Variants in PTGDR observed in about 807,000 individuals in gnomAD.
PTGDR encodes the protein prostaglandin D2 receptor, also known as PGD2 receptor.
Under a neutral mutation model 17.4 loss-of-function variants are expected in PTGDR, and 19 were observed. The observed-to-expected ratio is 1.09, with a 90% CI of 0.76 to 1.60. The LOEUF (loss-of-function observed/expected upper bound fraction) is 1.60. Among genes scored for constraint, PTGDR ranks in the 40% most tolerant of loss-of-function variants. The pLI is 0.00. For synonymous variants in PTGDR, 267 were observed against 224.2 expected (o/e 1.19, Z -1.71); for missense variants, 526 against 481.9 (o/e 1.09, Z -0.86).
downstream of PTGDR, among the ~76,000 whole-genome samples, chr14:52,278,871 T>G (rs1453373803): frequency 7.2e-5 from 11 of 152,090 alleles, no homozygotes; most frequent in Non-Finnish European, 1.6e-4. Context: ...AGATTATATT[T>G]AAAGTGAGCT....
At chr14:52,269,527 C>G in intron 1 of PTGDR, 1 of 1,534,212 alleles carries the variant, frequency 6.5e-7, no homozygotes, top group Non-Finnish European at 8.7e-7. Flanking sequence ...TGCTGCTCCT[C>G]TCCTTTCTCC....
At chr14:52,273,558 G>A (rs1566483696) in intron 1 of PTGDR, among the ~76,000 whole-genome samples, 1 of 152,186 alleles carries the variant, frequency 6.6e-6, no homozygotes, top group Admixed American at 6.6e-5. Flanking sequence ...TCAGATGGGC[G>A]AGGGCATCCA....
intron 1 of PTGDR, among the ~76,000 whole-genome samples, chr14:52,273,274 G>C (rs1233004834): frequency 2.0e-5 from 3 of 151,934 alleles, no homozygotes; most frequent in Non-Finnish European, 4.4e-5. Flanking sequence ...CAGCCTCCCA[G>C]AGTGCTGGGA....
intron 1 of PTGDR, among the ~76,000 whole-genome samples, chr14:52,273,464 C>T (rs142365363): frequency 6.6e-6 from 1 of 152,226 alleles, no homozygotes; most frequent in East Asian, 1.9e-4. Flanking sequence ...AATCATACTC[C>T]AACAAACTTT....
At chr14:52,269,438 C>T (rs933554066) in intron 1 of PTGDR, 3 of 1,228,624 alleles carry the variant, frequency 2.4e-6, no homozygotes, top group Non-Finnish European at 3.2e-6. Flanking sequence ...GAAATTATCT[C>T]CTCATTTTGA....
chr14:52,274,587 T>C (rs577533349), intron 1 of PTGDR, 144 bp from the exon 2 acceptor site: 1 of 682,532 alleles, frequency 1.5e-6, no homozygotes, highest in African/African-American at 1.8e-5. Flanking sequence ...TCAGCTGCTG[T>C]GGCCTTAGCT....
Position 52,270,719 on chromosome 14 carries a change from G to A in PTGDR, c.846+2059G>A, listed in dbSNP as rs967576738. On this transcript the variant is annotated intron_variant, in intron 1 of 1. Coordinates refer to ENST00000306051, the MANE Select transcript of PTGDR (RefSeq NM_000953.3). ...TATACAATCTTTAGGAGCTCCTATT[G>A]TAAAGTTGGGGCCTCACTTATCTAT... Among the ~76,000 whole-genome samples, 4 of 152,136 alleles carry A rather than the reference G, an allele frequency of 2.6e-5. No individual in the cohort carries two copies. The East Asian group carries it at 5.8e-4, about 22-fold the overall frequency.
intron 1 of PTGDR, among the ~76,000 whole-genome samples, chr14:52,273,979 A>G (rs1184671385): frequency 6.6e-6 from 1 of 152,162 alleles, no homozygotes; most frequent in African/African-American, 2.4e-5. Context: ...AGGAGGCTAC[A>G]GAGACCTCAG....
chr14:52,277,913 C>T (rs962435386), downstream of PTGDR, among the ~76,000 whole-genome samples: 3 of 152,216 alleles, frequency 2.0e-5, no homozygotes, highest in Non-Finnish European at 4.4e-5. Context: ...ATGTGATAGA[C>T]TATGTTTCTC....
downstream of PTGDR, among the ~76,000 whole-genome samples, chr14:52,280,324 AAAAGAT>A (rs2033473591): frequency 6.6e-6 from 1 of 152,200 alleles, no homozygotes; most frequent in African/African-American, 2.4e-5. Context: ...AATTAGATGA[AAAAGAT>A]AAAGTACAAT....
Position 52,268,492 on chromosome 14 carries a change from T to C in PTGDR, c.678T>C (p.Tyr226=), listed in dbSNP as rs1483764442. 5.6e-6 allele frequency: 9 copies of C among 1,610,824 alleles called. No homozygotes were observed. The South Asian group carries it at 9.9e-5, about 18-fold the overall frequency. Residue 226 remains tyrosine (Y), a synonymous_variant, in exon 1 of 2, where the codon TAT becomes TAC. Coordinates refer to ENST00000306051, the MANE Select transcript of PTGDR (RefSeq NM_000953.3). ...LCNLGAMRNL[Y]AMHRRLQRHP... ...ACCTCGGCGCCATGCGCAACCTCTA[T>C]GCGATGCACCGGCGGCTGCAGCGGC...
Position 52,268,673 on chromosome 14 carries a change from G to A in PTGDR, c.846+13G>A. ...TCTGCCCGTAATTGTGAGTCCCCGG[G>A]CCCCGAGGCAGCAGGGCACTGAGAC... On this transcript the variant is annotated intron_variant, in intron 1 of 1. Coordinates refer to ENST00000306051, the MANE Select transcript of PTGDR (RefSeq NM_000953.3). 6.4e-7 allele frequency: 1 copy of A among 1,552,944 alleles called. No individual in the cohort carries two copies. Among genetic ancestry groups the A allele is most frequent in the Non-Finnish European group, 8.7e-7 (1 of 1,147,676 alleles).
At position 52,268,360 on chromosome 14, in the gene PTGDR, G is replaced by T; in HGVS notation, c.546G>T (p.Trp182Cys). Residue 182 changes from tryptophan to cysteine, a missense_variant, in exon 1 of 2, where the codon TGG becomes TGT. Physicochemically the swap from Trp to Cys is radical, Grantham distance 215. Coordinates refer to ENST00000306051, the MANE Select transcript of PTGDR (RefSeq NM_000953.3). Reference protein sequence around the residue: ...GKFVQYCPGTWCFIQMVHEEG... With the variant: ...GKFVQYCPGTCCFIQMVHEEG... ...TCGTGCAGTACTGCCCCGGCACCTGGTGCTTTATCCAGATGGTCCACGAGG... is the reference window on the plus strand; with the variant it reads ...TCGTGCAGTACTGCCCCGGCACCTGTTGCTTTATCCAGATGGTCCACGAGG... 6.2e-7 allele frequency: 1 copy of T among 1,613,192 alleles called. No individual in the cohort carries two copies. Among genetic ancestry groups the T allele is most frequent in the African/African-American group, 1.3e-5 (1 of 75,064 alleles).
At chr14:52,274,343 T>C (rs1329582082) in intron 1 of PTGDR, among the ~76,000 whole-genome samples, 2 of 152,198 alleles carry the variant, frequency 1.3e-5, no homozygotes, top group African/African-American at 2.4e-5. Context: ...CTGAAGAAAG[T>C]AAGTGCAAGG....
At chr14:52,271,469 A>G (rs1465954959) in intron 1 of PTGDR, among the ~76,000 whole-genome samples, 3 of 152,208 alleles carry the variant, frequency 2.0e-5, no homozygotes, top group African/African-American at 4.8e-5. Context: ...AATTCTAAAC[A>G]TATGATTGCA....
chr14:52,274,607 T>G, intron 1 of PTGDR, 124 bp from the exon 2 acceptor site: 1 of 805,942 alleles, frequency 1.2e-6, no homozygotes, highest in South Asian at 1.8e-5. Context: ...TACTTGTAAA[T>G]GTACCAAAAA....
rs1303980152 is a variant in PTGDR at position 52,276,088 on chromosome 14, T to G, written c.*1124T>G. ...CCGAAAAGGAGCACAACTGAGCACT[T>G]TAATAGTAATTTAAAAGTTTTCAAG... On this transcript the variant is annotated 3_prime_UTR_variant, in exon 2 of 2. Transcript: ENST00000306051. 6.6e-6 allele frequency: 1 copy of G among 152,260 alleles called. No individual in the cohort carries two copies. Among genetic ancestry groups the G allele is most frequent in the African/African-American group, 2.4e-5 (1 of 41,438 alleles). 9.4% of individuals were successfully genotyped at this position (152,260 alleles called of 1,614,324 possible).
chr14:52,274,694 T>C, intron 1 of PTGDR, 37 bp from the exon 2 acceptor site: 5 of 1,526,492 alleles, frequency 3.3e-6, no homozygotes, highest in Non-Finnish European at 4.5e-6. Context: ...GCCATTAACC[T>C]TTCCACATCA....
In PTGDR at chr14:52,274,727, A is replaced by G. The variant is rs768268571; in HGVS notation, c.847-4A>G. On this transcript the variant is annotated splice_polypyrimidine_tract_variant and splice_region_variant and intron_variant, in intron 1 of 1. Transcript: ENST00000306051. ...TCATAATGGAATGTTTTTCTTCAAA[A>G]CAGTATCGCGCTTACTATGGAGCAT... is the stretch of plus-strand genomic sequence containing the variant. 2.5e-6 allele frequency: 4 copies of G among 1,598,146 alleles called. No individual in the cohort carries two copies. The highest frequency in any genetic ancestry group is 3.4e-6 in the Non-Finnish European group (4 of 1,165,864).
Sources: gnomAD v4.1 joint callset for allele counts (sites outside exome capture counted in the v4.1 genomes callset) on GRCh38, gnomAD v4.1.1 for gene constraint, MANE v1.5 for transcripts, NCBI Gene and HGNC (gene_info 2026-07-23, HGNC 2026-07-21) for gene names.